AFF3: variants seen among roughly 807,000 people sequenced by gnomAD.
AFF3 encodes ALF transcription elongation factor 3.
AFF3 carries 32 observed loss-of-function variants against 129.7 expected under a neutral mutation model. The observed-to-expected ratio is 0.25, with a 90% CI of 0.19 to 0.33. AFF3 has a LOEUF of 0.33. AFF3 is among the 10% of genes least tolerant of loss of function. The pLI is 1.00. For missense variants in AFF3, 1,373 were observed against 1,592.0 expected, an observed-to-expected ratio of 0.86 and a Z score of 2.34; for synonymous variants, 644 against 635.4, an observed-to-expected ratio of 1.01 and a Z score of -0.20.
chr2:99,695,273 T>C (rs1394646765), intron 11 of AFF3, among the ~76,000 whole-genome samples: 1 of 152,228 alleles, frequency 6.6e-6, no homozygotes, highest in Non-Finnish European at 1.5e-5. Context: ...CCAGTGGCCC[T>C]GGCTGGGCCA....
At chr2:100,137,769 A>C (rs1692695236) in intron 1 of AFF3, among the ~76,000 whole-genome samples, 1 of 152,188 alleles carries the variant, frequency 6.6e-6, no homozygotes, top group South Asian at 2.1e-4. Flanking sequence ...GGAGTGTATC[A>C]TATCTGCCTT....
At chr2:100,031,289 C>G (rs941737280) in intron 4 of AFF3, among the ~76,000 whole-genome samples, 1 of 152,086 alleles carries the variant, frequency 6.6e-6, no homozygotes, top group Non-Finnish European at 1.5e-5. Flanking sequence ...CAAGATTTCT[C>G]AATGTTGAAG....
intron 11 of AFF3, among the ~76,000 whole-genome samples, chr2:99,697,416 C>A (rs187462168): frequency 2.0e-3 from 304 of 152,284 alleles, no homozygotes; most frequent in African/African-American, 6.8e-3. Context: ...GACTTTCCAA[C>A]CCAAAGAGCA....
chr2:99,720,554 T>C (rs1287450141), intron 11 of AFF3, among the ~76,000 whole-genome samples: 1 of 152,110 alleles, frequency 6.6e-6, no homozygotes, highest in Non-Finnish European at 1.5e-5. Context: ...GGATGCCTCT[T>C]TTCTTCATAA....
At chr2:99,571,465 G>A (rs1244281888) in intron 18 of AFF3, among the ~76,000 whole-genome samples, 1 of 152,080 alleles carries the variant, frequency 6.6e-6, no homozygotes, top group Non-Finnish European at 1.5e-5. Flanking sequence ...AATCAATATT[G>A]TTTTCATCTG....
chr2:99,713,380 T>C (rs1046306559), intron 11 of AFF3, among the ~76,000 whole-genome samples: 1 of 151,292 alleles, frequency 6.6e-6, no homozygotes, highest in African/African-American at 2.4e-5. Flanking sequence ...GCGATTCTCC[T>C]GCCTCAGCCT....
intron 13 of AFF3, among the ~76,000 whole-genome samples, chr2:99,609,771 C>T (rs1680737514): frequency 6.6e-6 from 1 of 152,210 alleles, no homozygotes; most frequent in Non-Finnish European, 1.5e-5. Context: ...TATGTAACTA[C>T]AGTACAATAC....
chr2:99,723,746 C>A (rs1376692270), intron 11 of AFF3, among the ~76,000 whole-genome samples: 1 of 152,196 alleles, frequency 6.6e-6, no homozygotes, highest in Non-Finnish European at 1.5e-5. Flanking sequence ...ATGTTGAAAT[C>A]CTAACTTCCA....
At chr2:100,057,158 C>T (rs944462492) in intron 4 of AFF3, among the ~76,000 whole-genome samples, 3 of 151,548 alleles carry the variant, frequency 2.0e-5, no homozygotes, top group Non-Finnish European at 4.4e-5. Context: ...CTGTCTCAAC[C>T]AAAAATACAA....
intron 8 of AFF3, among the ~76,000 whole-genome samples, chr2:99,823,565 A>T (rs10168958): frequency 1.9e-3 from 287 of 152,338 alleles, no homozygotes; most frequent in African/African-American, 6.7e-3. Flanking sequence ...TATAAGTGTA[A>T]AATAAGCATG....
intron 8 of AFF3, among the ~76,000 whole-genome samples, chr2:99,786,417 C>G (rs1684796946): frequency 1.3e-5 from 2 of 152,046 alleles, no homozygotes; most frequent in South Asian, 4.1e-4. Context: ...ATTAACACGG[C>G]CATAAAGCGA....
Position 100,006,848 on chromosome 2 carries a change from G to T in AFF3, c.657C>A (p.Ser219=), listed in dbSNP as rs1573087004. Residue 219 remains serine (S), a synonymous_variant, in exon 7 of 25, where the codon TCC becomes TCA. Transcript: ENST00000672756. ...GGACCAGGCTGGGTTTTGAAGCTAGGGATGGAGGAAAGTTCTGAACACAGT... is the reference window on the plus strand; with the variant it reads ...GGACCAGGCTGGGTTTTGAAGCTAGTGATGGAGGAAAGTTCTGAACACAGT... ...SGHCVQNFPP[S]LASKPSLVQQ... The T allele has an allele frequency of 6.2e-7, 1 of 1,614,186 alleles. No individual in the cohort carries two copies.
In AFF3 at chr2:99,759,393, C is replaced by T. The variant is rs576895132; in HGVS notation, c.922-7092G>A. Among the ~76,000 whole-genome samples the T allele has an allele frequency of 5.3e-5, 8 of 151,986 alleles. No individual in the cohort carries two copies. In the East Asian group the frequency reaches 1.4e-3, roughly 26 times the overall value. ...TCCCTTTCAAGAGCATTTGGATTTA[C>T]TAAACATAATCGCCTAAAGAAGTAA... On this transcript the variant is annotated intron_variant, in intron 8 of 24. Transcript: ENST00000672756.
At chr2:99,712,788 C>T (rs578221680) in intron 11 of AFF3, among the ~76,000 whole-genome samples, 4 of 152,332 alleles carry the variant, frequency 2.6e-5, no homozygotes, top group East Asian at 3.9e-4. Context: ...TGTAAACCCA[C>T]GTTCCTGGCA....
Position 99,719,991 on chromosome 2 carries a change from C to T in AFF3, c.1091+7086G>A, listed in dbSNP as rs565815217. Among the ~76,000 whole-genome samples the T allele has an allele frequency of 6.6e-5, 10 of 152,252 alleles. No individual in the cohort carries two copies. The South Asian group carries it at 1.0e-3, about 16-fold the overall frequency. On this transcript the variant is annotated intron_variant, in intron 11 of 24. Coordinates refer to ENST00000672756, the MANE Select transcript of AFF3 (RefSeq NM_001386135.1). ...GGCGGAGCTTGCAGTGAGCTGAGAT[C>T]GCGCCAATGCACTCCAGCCTGGGTG...
intron 7 of AFF3, among the ~76,000 whole-genome samples, chr2:99,918,407 A>C (rs1695627086): frequency 6.6e-6 from 1 of 152,134 alleles, no homozygotes; most frequent in South Asian, 2.1e-4. Flanking sequence ...CTCCTAAAAA[A>C]CATGTTCATT....
intron 7 of AFF3, among the ~76,000 whole-genome samples, chr2:99,877,642 A>C (rs978524008): frequency 2.6e-5 from 4 of 152,218 alleles, no homozygotes; most frequent in Non-Finnish European, 5.9e-5. Context: ...TTATTTTTGG[A>C]ATGCAATGAA....
chr2:99,866,739 G>A lies in AFF3; in HGVS notation c.874-29215C>T, dbSNP rs376767966. On this transcript the variant is annotated intron_variant, in intron 7 of 24. Transcript: ENST00000672756. Reference sequence around the variant, plus strand: ...CGCTTGTAATTCCAGCACTTTGGGAGGCCGAGGCAGGCGGATCACCTGAGG... The same window carrying A: ...CGCTTGTAATTCCAGCACTTTGGGAAGCCGAGGCAGGCGGATCACCTGAGG... Among the ~76,000 whole-genome samples, 10 of 152,090 alleles carry A rather than the reference G, an allele frequency of 6.6e-5. No individual in the cohort carries two copies. The East Asian group carries it at 1.2e-3, about 18-fold the overall frequency.
chr2:100,012,486 T>C (rs901006788), intron 4 of AFF3, among the ~76,000 whole-genome samples: 8 of 152,274 alleles, frequency 5.3e-5, no homozygotes, highest in African/African-American at 1.9e-4. Flanking sequence ...ACCCCCTGTA[T>C]CTCCCTAAGT....
Sources: allele counts gnomAD v4.1 joint callset (sites outside exome capture counted in the v4.1 genomes callset), GRCh38; gene constraint gnomAD v4.1.1; transcripts MANE v1.5; gene names NCBI Gene and HGNC (gene_info 2026-07-23, HGNC 2026-07-21).